MAP2K5: variants seen among roughly 807,000 people sequenced by gnomAD.
The protein encoded by MAP2K5 is dual specificity mitogen-activated protein kinase kinase 5.
Under a neutral mutation model 83.1 loss-of-function variants are expected in MAP2K5, and 49 were observed. The ratio of observed to expected loss-of-function variants is 0.59; its 90% CI spans 0.47 to 0.75. MAP2K5 has a LOEUF of 0.75. MAP2K5 is among the 30% of genes least tolerant of loss of function. The pLI, the probability that MAP2K5 is intolerant of heterozygous loss-of-function variation, is 0.00. For missense variants in MAP2K5, 457 were observed against 557.5 expected (o/e 0.82, Z 1.82); for synonymous variants, 202 against 191.8 (o/e 1.05, Z -0.44).
At chr15:67,586,108 A>T (rs1346146312) in intron 5 of MAP2K5, among the ~76,000 whole-genome samples, 178 bp downstream of exon 5, 1 of 152,040 alleles carries the variant, frequency 6.6e-6, no homozygotes, top group Non-Finnish European at 1.5e-5. Flanking sequence ...ATGTGTATAT[A>T]TTTGCATACT....
At chr15:67,609,439 A>T (rs2085858368) in intron 8 of MAP2K5, among the ~76,000 whole-genome samples, 1 of 151,950 alleles carries the variant, frequency 6.6e-6, no homozygotes, top group Non-Finnish European at 1.5e-5. Context: ...AGGTCTATAG[A>T]TTCTGTAGAC....
chr15:67,619,500 A>G (rs745706923), intron 8 of MAP2K5, among the ~76,000 whole-genome samples: 2 of 152,212 alleles, frequency 1.3e-5, no homozygotes, highest in African/African-American at 4.8e-5. Context: ...AGAATATATC[A>G]TATACTGTGG....
chr15:67,731,907 T>C (rs1381023009), intron 17 of MAP2K5, among the ~76,000 whole-genome samples: 1 of 152,146 alleles, frequency 6.6e-6, no homozygotes, highest in Non-Finnish European at 1.5e-5. Flanking sequence ...ATGCTGAGCA[T>C]TGGAGGGTTG....
At position 67,637,910 on chromosome 15, in the gene MAP2K5, A is replaced by ATG. The variant is rs111468310; in HGVS notation, c.585+6992_585+6993dup. ...ATGTCCAATGTCTGGAAGCCTGTTG[A>ATG]TGTGTGTGTGAGTGTGTGTGTATGT... On this transcript the variant is annotated intron_variant, in intron 9 of 21. Transcript: ENST00000178640. The surrounding 1 kb of genome is among the most constrained non-coding windows in gnomAD (Gnocchi z 4.5). 0.14 allele frequency among the ~76,000 whole-genome samples: 21,423 copies of ATG among 149,726 alleles called. 1,590 individuals carry two copies. The highest frequency in any genetic ancestry group is 0.15 in the South Asian group (723 of 4,692).
chr15:67,679,756 A>G (rs1304995314), intron 13 of MAP2K5: 1 of 152,196 alleles, frequency 6.6e-6, no homozygotes, highest in Non-Finnish European at 1.5e-5. Context: ...TTATCAATTT[A>G]TTTATTAGTA....
At chr15:67,731,160 A>G (rs1255800756) in intron 17 of MAP2K5, among the ~76,000 whole-genome samples, 1 of 152,222 alleles carries the variant, frequency 6.6e-6, no homozygotes, top group Non-Finnish European at 1.5e-5. Context: ...GGAGCAGAGT[A>G]TAAAATGAGC....
chr15:67,753,885 C>T (rs568068534), intron 19 of MAP2K5, among the ~76,000 whole-genome samples: 120 of 152,270 alleles, frequency 7.9e-4, no homozygotes, highest in Admixed American at 3.3e-3. Context: ...AACATATGTC[C>T]GCATAAAAAC....
At chr15:67,617,297 G>C (rs971204807) in intron 8 of MAP2K5, among the ~76,000 whole-genome samples, 2 of 152,188 alleles carry the variant, frequency 1.3e-5, no homozygotes, top group Non-Finnish European at 2.9e-5. Context: ...AAGCACATAT[G>C]CTCCCTATTA....
Position 67,716,563 on chromosome 15 carries a change from C to G in MAP2K5, c.1045-11353C>G, listed in dbSNP as rs192958395. 6.6e-5 allele frequency among the ~76,000 whole-genome samples: 10 copies of G among 152,166 alleles called. No individual in the cohort carries two copies. In the East Asian group the frequency reaches 1.9e-3, roughly 29 times the overall value. Reference sequence around the variant, plus strand: ...TGCTCCTAGAAAATTCTCTTATATGCCTTATGTTGTATTTAGAAACTAGAA... The same window carrying G: ...TGCTCCTAGAAAATTCTCTTATATGGCTTATGTTGTATTTAGAAACTAGAA... On this transcript the variant is annotated intron_variant, in intron 16 of 21. Coordinates refer to ENST00000178640, the MANE Select transcript of MAP2K5 (RefSeq NM_145160.3).
At position 67,543,175 on chromosome 15, in the gene MAP2K5, C is replaced by G; in HGVS notation, c.-161C>G. The G allele has an allele frequency of 1.4e-6, 1 of 707,122 alleles. No individual in the cohort carries two copies. Among genetic ancestry groups the G allele is most frequent in the Non-Finnish European group, 2.4e-6 (1 of 419,348 alleles). 43.8% of individuals were successfully genotyped at this position (707,122 alleles called of 1,614,324 possible). On this transcript the variant is annotated 5_prime_UTR_variant, in exon 1 of 22. Coordinates refer to ENST00000178640, the MANE Select transcript of MAP2K5 (RefSeq NM_145160.3). This position sits in a 1 kb window ranked among gnomAD's most constrained non-coding sequence, Gnocchi z 4.3. ...CAGGCTCGGTGCCTGCGGGTGCGTT[C>G]CTGATCACCCCTCCCCTCTTCCCTC...
At chr15:67,697,898 G>A (rs1409377400) in intron 15 of MAP2K5, among the ~76,000 whole-genome samples, 1 of 152,202 alleles carries the variant, frequency 6.6e-6, no homozygotes, top group African/African-American at 2.4e-5. Context: ...TAGTCATTTA[G>A]AAAAACCAAG....
intron 17 of MAP2K5, 108 bp downstream of exon 17, chr15:67,728,053 G>A: frequency 1.0e-6 from 1 of 955,262 alleles, no homozygotes; most frequent in South Asian, 1.3e-5. Context: ...AATCTGTCCT[G>A]TTAAATTGAA....
chr15:67,674,282 T>A (rs2087624380), intron 13 of MAP2K5, among the ~76,000 whole-genome samples: 1 of 152,180 alleles, frequency 6.6e-6, no homozygotes, highest in South Asian at 2.1e-4. Context: ...TTCCCTGAGC[T>A]CTCAGGCTGT....
intron 15 of MAP2K5, among the ~76,000 whole-genome samples, chr15:67,694,451 C>A (rs566486287): frequency 6.6e-6 from 1 of 151,964 alleles, no homozygotes; most frequent in Non-Finnish European, 1.5e-5. Flanking sequence ...TCTCAGTATT[C>A]TTTCTGTATA....
chr15:67,742,055 C>T (rs553044402), intron 17 of MAP2K5, among the ~76,000 whole-genome samples: 9 of 152,202 alleles, frequency 5.9e-5, no homozygotes, highest in South Asian at 4.2e-4. Context: ...CCACCACACC[C>T]GGCTAATTTT....
intron 21 of MAP2K5, among the ~76,000 whole-genome samples, chr15:67,792,988 G>C (rs2090544752): frequency 6.6e-6 from 1 of 152,216 alleles, no homozygotes; most frequent in Admixed American, 6.5e-5. Flanking sequence ...ATAGGTGGAT[G>C]AGCTGCTCCA....
At chr15:67,607,326 A>G (rs1468153046) in intron 8 of MAP2K5, among the ~76,000 whole-genome samples, 1 of 152,162 alleles carries the variant, frequency 6.6e-6, no homozygotes, top group African/African-American at 2.4e-5. Context: ...TTAATTATGT[A>G]TGTTTCCTTC....
intron 17 of MAP2K5, among the ~76,000 whole-genome samples, chr15:67,742,960 A>G (rs565166493): frequency 2.6e-5 from 4 of 152,280 alleles, no homozygotes; most frequent in East Asian, 1.9e-4. Context: ...CTGTACCTCA[A>G]TGCTCCAGCT....
chr15:67,555,790 CT>C lies in MAP2K5; in HGVS notation c.184+5719del, dbSNP rs35960901. Among the ~76,000 whole-genome samples, 12 of 148,368 alleles carry C rather than the reference CT, an allele frequency of 8.1e-5. No homozygotes were observed. The highest frequency in any genetic ancestry group is 1.3e-4 in the Admixed American group (2 of 14,912). ...TATTTGGCTATTTGTATTTAATTTC[CT>C]TTTTTTTTTTGAGACGCAGTCTCAC... On this transcript the variant is annotated intron_variant, in intron 2 of 21. Coordinates refer to ENST00000178640, the MANE Select transcript of MAP2K5 (RefSeq NM_145160.3). This position sits in a 1 kb window ranked among gnomAD's most constrained non-coding sequence, Gnocchi z 5.2.
Sources: allele counts gnomAD v4.1 joint callset (sites outside exome capture counted in the v4.1 genomes callset), GRCh38; gene constraint gnomAD v4.1.1; non-coding constraint Gnocchi (gnomAD v3.1); transcripts MANE v1.5; gene names NCBI Gene and HGNC (gene_info 2026-07-23, HGNC 2026-07-21).